DESI2: variants seen among roughly 807,000 people sequenced by gnomAD.
DESI2 encodes deubiquitinase DESI2.
In DESI2, 10 loss-of-function variants were observed where a neutral mutation model predicts 24.1. The ratio of observed to expected loss-of-function variants is 0.41; its 90% CI spans 0.26 to 0.70. The LOEUF (loss-of-function observed/expected upper bound fraction) is 0.70, where lower values mean the gene tolerates loss of function less well. DESI2 is among the 30% of genes least tolerant of loss of function. The pLI is 0.29. For missense variants in DESI2, 122 were observed against 234.9 expected (o/e 0.52, Z 3.14); for synonymous variants, 71 against 87.7 (o/e 0.81, Z 1.06).
intron 1 of DESI2, among the ~76,000 whole-genome samples, chr1:244,670,420 C>T (rs1676207451): frequency 6.6e-6 from 1 of 152,204 alleles, no homozygotes. Context: ...CGTCTATTTA[C>T]ACATGCATAC....
rs1303473437 is a variant in DESI2, at chr1:244,706,759, A to T, written c.*970A>T. The T allele has an allele frequency of 6.6e-6, 1 of 152,566 alleles. No individual in the cohort carries two copies. The highest frequency in any genetic ancestry group is 1.9e-4 in the East Asian group (1 of 5,206). 9.5% of individuals were successfully genotyped at this position (152,566 alleles called of 1,614,324 possible). A position where few individuals can be genotyped will look rare whatever the true frequency, so the allele number is the denominator to read the frequency against. ...AAACTAGAATCTAATGTCTACCCCA[A>T]AAAAGTAGTTCTTTGATATTTTATA... On this transcript the variant is annotated 3_prime_UTR_variant, in exon 5 of 5. Coordinates refer to ENST00000302550, the MANE Select transcript of DESI2 (RefSeq NM_016076.5).
At chr1:244,702,152 G>GT (rs1677489332) in intron 4 of DESI2, among the ~76,000 whole-genome samples, 1 of 152,138 alleles carries the variant, frequency 6.6e-6, no homozygotes, top group South Asian at 2.1e-4. Context: ...CCTCCAATCT[G>GT]TTTTGTTTTA....
At position 244,666,342 on chromosome 1, in the gene DESI2, C is replaced by CTA. The variant is rs200774313; in HGVS notation, c.42+12990_42+12991dup. Among the ~76,000 whole-genome samples the CTA allele has an allele frequency of 1.1e-3, 165 of 152,328 alleles. 3 individuals carry two copies. The highest frequency in any genetic ancestry group is 6.8e-3 in the Middle Eastern group (2 of 294). The stretch of plus-strand genomic sequence containing the variant: ...TACTAGAACCCATCCTCTCTCCTAT[C>CTA]TATACAAGGACTTCTCTTTCAGAAT... On this transcript the variant is annotated intron_variant, in intron 1 of 4. Coordinates refer to ENST00000302550, the MANE Select transcript of DESI2 (RefSeq NM_016076.5).
At chr1:244,685,630 A>G (rs1676790957) in intron 1 of DESI2, among the ~76,000 whole-genome samples, 1 of 152,200 alleles carries the variant, frequency 6.6e-6, no homozygotes, top group African/African-American at 2.4e-5. Flanking sequence ...TTCTTCCAGC[A>G]ATGCGTGAGA....
At chr1:244,703,221 C>G (rs1045245831) in intron 4 of DESI2, among the ~76,000 whole-genome samples, 1 of 152,010 alleles carries the variant, frequency 6.6e-6, no homozygotes, top group Non-Finnish European at 1.5e-5. Flanking sequence ...AGGCTGGTCT[C>G]GAACTGCTGA....
At chr1:244,653,569 GCCAAAGCTCGGGTGGGCTTGAAC>G in intron 1 of DESI2, 1 of 540,720 alleles carries the variant, frequency 1.8e-6, no homozygotes, top group African/African-American at 2.0e-5. Context: ...GAGGGTTTTG[GCCAAAGCTCGGGTGGGCTTGAAC>G]CTCTCCCATC....
At chr1:244,681,325 A>G (rs942441287) in intron 1 of DESI2, among the ~76,000 whole-genome samples, 1 of 152,076 alleles carries the variant, frequency 6.6e-6, no homozygotes, top group East Asian at 1.9e-4. Flanking sequence ...GGCTTCTTCC[A>G]TTCCATTTCC....
intron 1 of DESI2, among the ~76,000 whole-genome samples, chr1:244,678,824 G>A (rs1296225201): frequency 3.3e-5 from 5 of 152,142 alleles, no homozygotes; most frequent in Admixed American, 6.5e-5. Context: ...GCCTGCATCC[G>A]GAACAGAAAC....
chr1:244,654,124 C>A (rs1425627801), intron 1 of DESI2: 1 of 430,086 alleles, frequency 2.3e-6, no homozygotes, highest in Non-Finnish European at 4.8e-6. Context: ...GAATCGAGTC[C>A]AAGAACTGGT....
chr1:244,696,934 G>A (rs71654530), intron 4 of DESI2, among the ~76,000 whole-genome samples: 1,912 of 152,260 alleles, frequency 0.013, 41 homozygotes, highest in Non-Finnish European at 0.015. Flanking sequence ...TTCTGAGTCT[G>A]TAATGATCTT....
chr1:244,689,222 T>C lies in DESI2; in HGVS notation c.116-27T>C. 8.4e-7 allele frequency: 1 copy of C among 1,195,880 alleles called. No individual in the cohort carries two copies. Among genetic ancestry groups the C allele is most frequent in the Non-Finnish European group, 1.2e-6 (1 of 802,488 alleles). The allele number at this position is 1,195,880 out of a possible 1,614,324, so 74.1% of individuals were successfully genotyped here. A position where few individuals can be genotyped will look rare whatever the true frequency, so the allele number is the denominator to read the frequency against. On this transcript the variant is annotated intron_variant, in intron 2 of 4. Transcript: ENST00000302550. This position sits in a 1 kb window ranked among gnomAD's most constrained non-coding sequence, Gnocchi z 4.0. ...TGGTTAAATTTTATGTGATACATAC[T>C]AAAAATCATGAGTTTTCTCTTTTCA...
At chr1:244,653,605 C>G in intron 1 of DESI2, 1 of 527,432 alleles carries the variant, frequency 1.9e-6, no homozygotes, top group East Asian at 3.4e-5. Flanking sequence ...CTCCCATCCG[C>G]TCAGCTTGGA....
chr1:244,664,565 G>A (rs902798210), intron 1 of DESI2, among the ~76,000 whole-genome samples: 1 of 152,188 alleles, frequency 6.6e-6, no homozygotes, highest in African/African-American at 2.4e-5. Flanking sequence ...AATTAGCCAG[G>A]CCCATGCCTG....
intron 1 of DESI2, among the ~76,000 whole-genome samples, chr1:244,659,500 T>C (rs1675765054): frequency 6.6e-6 from 1 of 152,236 alleles, no homozygotes; most frequent in African/African-American, 2.4e-5. Context: ...CATTCCTTCC[T>C]GCTGTCAGCT....
At chr1:244,694,547 A>G (rs2013229) in intron 4 of DESI2, 213,453 of 780,082 alleles carry the variant, frequency 0.27, 30,589 homozygotes, top group African/African-American at 0.38. Context: ...GACCAGTCCC[A>G]GTGGTATTTT....
chr1:244,674,306 T>A (rs886892698), intron 1 of DESI2, among the ~76,000 whole-genome samples: 3 of 135,040 alleles, frequency 2.2e-5, no homozygotes, highest in African/African-American at 8.4e-5. Context: ...TTACTTTACT[T>A]CTATTCATAA....
chr1:244,681,918 C>T (rs1676627399), intron 1 of DESI2, among the ~76,000 whole-genome samples: 1 of 152,160 alleles, frequency 6.6e-6, no homozygotes, highest in African/African-American at 2.4e-5. Flanking sequence ...AAGAATGAAG[C>T]CGCAGACCCT....
At chr1:244,662,328 A>G (rs568184533) in intron 1 of DESI2, among the ~76,000 whole-genome samples, 5 of 152,328 alleles carry the variant, frequency 3.3e-5, no homozygotes, top group African/African-American at 9.6e-5. Flanking sequence ...GCTGTTATGA[A>G]TAATGGTGTG....
intron 1 of DESI2, among the ~76,000 whole-genome samples, chr1:244,663,246 G>A (rs1393691319): frequency 6.6e-6 from 1 of 151,422 alleles, no homozygotes; most frequent in African/African-American, 2.4e-5. Flanking sequence ...CATCCGTCTC[G>A]GCTCAGTGCA....
Sources: gnomAD v4.1 joint callset for allele counts (sites outside exome capture counted in the v4.1 genomes callset) on GRCh38, gnomAD v4.1.1 for gene constraint, Gnocchi (gnomAD v3.1) non-coding constraint, MANE v1.5 for transcripts, NCBI Gene and HGNC (gene_info 2026-07-23, HGNC 2026-07-21) for gene names.